The following SLC14A2 variants were observed in gnomAD, a reference collection of about 807,000 sequenced individuals.
The protein encoded by SLC14A2 is urea transporter 2.
Under a neutral mutation model 104.6 loss-of-function variants are expected in SLC14A2, and 91 were observed. The ratio of observed to expected loss-of-function variants is 0.87; its 90% CI spans 0.73 to 1.04. The LOEUF (loss-of-function observed/expected upper bound fraction) is 1.04. SLC14A2 is among the 50% of genes least tolerant of loss of function. The pLI is 0.00. For missense variants in SLC14A2, 1,189 were observed against 1,156.0 expected (o/e 1.03, Z -0.41); for synonymous variants, 476 against 466.4 (o/e 1.02, Z -0.27).
chr18:45,284,584 C>A (rs930638528), intron 1 of SLC14A2, among the ~76,000 whole-genome samples: 3 of 152,190 alleles, frequency 2.0e-5, no homozygotes, highest in Non-Finnish European at 4.4e-5. Context: ...CAGGGAGTGA[C>A]TTCCTGCTGT....
intron 1 of SLC14A2, among the ~76,000 whole-genome samples, chr18:45,251,780 C>G (rs754013927): frequency 6.6e-6 from 1 of 152,192 alleles, no homozygotes; most frequent in Non-Finnish European, 1.5e-5. Flanking sequence ...TTTAAAGACT[C>G]TATCTCCAAA....
At chr18:45,570,262 C>T (rs1256714698) in intron 2 of SLC14A2, among the ~76,000 whole-genome samples, 3 of 152,114 alleles carry the variant, frequency 2.0e-5, no homozygotes, top group Non-Finnish European at 2.9e-5. Context: ...CCCTTTGGCT[C>T]CAAAATTCTA....
intron 1 of SLC14A2, among the ~76,000 whole-genome samples, chr18:45,337,644 G>A (rs1055442050): frequency 6.6e-6 from 1 of 152,158 alleles, no homozygotes; most frequent in African/African-American, 2.4e-5. Flanking sequence ...AATTTAGGCA[G>A]AGCTGACCAG....
At chr18:45,508,956 T>C (rs934328989) in intron 2 of SLC14A2, among the ~76,000 whole-genome samples, 1 of 152,176 alleles carries the variant, frequency 6.6e-6, no homozygotes, top group African/African-American at 2.4e-5. Flanking sequence ...TGGATAACAA[T>C]GCCAGCATCC....
At chr18:45,217,169 A>G (rs2084018149) in intron 1 of SLC14A2, among the ~76,000 whole-genome samples, 1 of 151,128 alleles carries the variant, frequency 6.6e-6, no homozygotes, top group Non-Finnish European at 1.5e-5. Context: ...AGATTTCTCT[A>G]ACCAAATATG....
intron 14 of SLC14A2, 120 bp from the exon 15 acceptor site, chr18:45,668,228 AG>A (rs1277667866): frequency 1.5e-6 from 2 of 1,353,756 alleles, no homozygotes; most frequent in East Asian, 2.3e-5. Flanking sequence ...CACTCCCAGA[AG>A]GGTGGTCTAT....
chr18:45,671,853 G>C (rs2046145245), intron 16 of SLC14A2, among the ~76,000 whole-genome samples: 1 of 152,176 alleles, frequency 6.6e-6, no homozygotes, highest in Non-Finnish European at 1.5e-5. Context: ...CCTGCCCATG[G>C]GCCTTGGCTA....
intron 1 of SLC14A2, among the ~76,000 whole-genome samples, chr18:45,423,347 C>T (rs560835304): frequency 1.6e-4 from 25 of 152,330 alleles, no homozygotes; most frequent in Middle Eastern, 3.4e-3. Flanking sequence ...GAAATCTCTG[C>T]GACAGTTTGA....
At chr18:45,521,815 G>T (rs543951062) in intron 2 of SLC14A2, among the ~76,000 whole-genome samples, 32 of 152,182 alleles carry the variant, frequency 2.1e-4, no homozygotes, top group Admixed American at 1.6e-3. Flanking sequence ...GTTCTAAACA[G>T]CCAAGTGATT....
At chr18:45,641,486 C>A in intron 8 of SLC14A2, 143 bp downstream of exon 8, 1 of 853,508 alleles carries the variant, frequency 1.2e-6, no homozygotes, top group Non-Finnish European at 1.8e-6. Flanking sequence ...GCCAGTGCTG[C>A]CCTTAACAGC....
At chr18:45,190,037 C>G in the SLC14A2 span, among the ~76,000 whole-genome samples, 3 of 152,122 alleles carry the variant, frequency 2.0e-5, no homozygotes, top group Non-Finnish European at 4.4e-5. Flanking sequence ...GGGTCCTGAA[C>G]AGGACACAGG....
At chr18:45,251,768 T>C (rs1422545605) in intron 1 of SLC14A2, among the ~76,000 whole-genome samples, 1 of 152,184 alleles carries the variant, frequency 6.6e-6, no homozygotes, top group Non-Finnish European at 1.5e-5. Flanking sequence ...CTTAATTACT[T>C]CTTTAAAGAC....
rs761709879 is a variant in SLC14A2, at chr18:45,668,345, C to A, written c.1908-4C>A. ...GCTCCACCTGACCCTCCCTCTCCTG[C>A]CAGGTCGGCCATCGCTGCAGGATTT... On this transcript the variant is annotated splice_region_variant and splice_polypyrimidine_tract_variant and intron_variant, in intron 14 of 19. Coordinates refer to ENST00000255226, the MANE Select transcript of SLC14A2 (RefSeq NM_007163.4). 1 of 1,613,914 alleles carries A rather than the reference C, an allele frequency of 6.2e-7. No homozygotes were observed. The highest frequency in any genetic ancestry group is 1.7e-5 in the Admixed American group (1 of 60,028).
intron 1 of SLC14A2, among the ~76,000 whole-genome samples, chr18:45,330,117 A>G (rs557708781): frequency 6.6e-6 from 1 of 152,260 alleles, no homozygotes; most frequent in Admixed American, 6.5e-5. Flanking sequence ...GGAGGGTCTG[A>G]ACCTGCTTGG....
chr18:45,672,218 A>G (rs2046151792), intron 16 of SLC14A2, among the ~76,000 whole-genome samples: 1 of 152,006 alleles, frequency 6.6e-6, no homozygotes, highest in Non-Finnish European at 1.5e-5. Context: ...TCACCTTCTC[A>G]TCATCTTTTT....
At position 45,414,760 on chromosome 18, in the gene SLC14A2, ATATATATATATATATATATAT is replaced by A. The variant is rs1568190193; in HGVS notation, c.-124-68472_-124-68452del. Reference sequence around the variant, plus strand: ...CACCGAGCGTAAAAAAAAAAAAAATATATATATATATATATATATATATATATATATATATAGAAAAGTACA... The same window carrying A: ...CACCGAGCGTAAAAAAAAAAAAAATAATATATATATATATAGAAAAGTACA... On this transcript the variant is annotated intron_variant, in intron 1 of 20. Coordinates refer to the SLC14A2 transcript ENST00000586448. Among the ~76,000 whole-genome samples the A allele has an allele frequency of 5.7e-3, 313 of 55,270 alleles. 23 individuals carry two copies. The highest frequency in any genetic ancestry group is 0.021 in the African/African-American group (297 of 14,222). The allele number at this position is 55,270 out of a possible 152,430, so 36.3% of individuals were successfully genotyped here.
At chr18:45,633,026 G>T (rs936361744) in intron 5 of SLC14A2, among the ~76,000 whole-genome samples, 2 of 152,186 alleles carry the variant, frequency 1.3e-5, no homozygotes, top group African/African-American at 4.8e-5. Flanking sequence ...TATTGCAATG[G>T]TAATCTTCCT....
At chr18:45,479,380 A>G (rs1038869834) in intron 1 of SLC14A2, among the ~76,000 whole-genome samples, 2 of 152,236 alleles carry the variant, frequency 1.3e-5, no homozygotes, top group African/African-American at 4.8e-5. Context: ...GTAATAATTG[A>G]GATATAACTG....
intron 2 of SLC14A2, among the ~76,000 whole-genome samples, chr18:45,540,273 G>T (rs2043866215): frequency 6.6e-6 from 1 of 152,036 alleles, no homozygotes; most frequent in East Asian, 1.9e-4. Flanking sequence ...CTGTTCCTCG[G>T]GTCTGCTCCT....
Sources: allele counts gnomAD v4.1 joint callset (sites outside exome capture counted in the v4.1 genomes callset), GRCh38; gene constraint gnomAD v4.1.1; transcripts MANE v1.5; gene names NCBI Gene and HGNC (gene_info 2026-07-23, HGNC 2026-07-21).